SLC7A13: variants seen among roughly 807,000 people sequenced by gnomAD.
SLC7A13 encodes solute carrier family 7 member 13.
In SLC7A13, 31 loss-of-function variants were observed where a neutral mutation model predicts 32.0. That is an observed-to-expected ratio of 0.97 (90% CI 0.73 to 1.31). The LOEUF (loss-of-function observed/expected upper bound fraction) is 1.31, where lower values mean the gene tolerates loss of function less well. SLC7A13 is among the 50% of genes most tolerant of loss of function. SLC7A13 has a pLI of 0.00. For missense variants in SLC7A13, 633 were observed against 546.9 expected (o/e 1.16, Z -1.57); for synonymous variants, 232 against 206.9 (o/e 1.12, Z -1.04).
chr8:86,219,926 A>G (rs1178963382), intron 2 of SLC7A13, among the ~76,000 whole-genome samples: 2 of 152,168 alleles, frequency 1.3e-5, no homozygotes, highest in Non-Finnish European at 2.9e-5. Flanking sequence ...AAAAGTATAT[A>G]CATTTTAAAA....
chr8:86,227,950 T>TG (rs1820416291), intron 1 of SLC7A13, among the ~76,000 whole-genome samples: 2 of 151,670 alleles, frequency 1.3e-5, no homozygotes, highest in Non-Finnish European at 2.9e-5. Flanking sequence ...GGAGAGTGGG[T>TG]GGGGGGTAAG....
chr8:86,224,525 G>T (rs1820356275), intron 1 of SLC7A13, among the ~76,000 whole-genome samples: 1 of 152,134 alleles, frequency 6.6e-6, no homozygotes, highest in African/African-American at 2.4e-5. Flanking sequence ...GCAAAAAAAG[G>T]CCAAAAAAGT....
Position 86,214,340 on chromosome 8 carries a change from G to T in SLC7A13, c.*73C>A. The T allele has an allele frequency of 1.2e-6, 1 of 842,016 alleles. No individual in the cohort carries two copies. Among genetic ancestry groups the T allele is most frequent in the Non-Finnish European group, 1.8e-6 (1 of 542,294 alleles). 52.2% of individuals were successfully genotyped at this position (842,016 alleles called of 1,614,324 possible). ...TTTCACCATGAATGTTCTATCATATGTTTAACCTTGATTTGGAATCTGATA... is the reference window on the plus strand; with the variant it reads ...TTTCACCATGAATGTTCTATCATATTTTTAACCTTGATTTGGAATCTGATA... On this transcript the variant is annotated 3_prime_UTR_variant, in exon 4 of 4. Transcript: ENST00000297524.
At chr8:86,217,100 C>A (rs907098212) in intron 3 of SLC7A13, among the ~76,000 whole-genome samples, 1 of 152,158 alleles carries the variant, frequency 6.6e-6, no homozygotes, top group African/African-American at 2.4e-5. Context: ...TCACTTGTGA[C>A]CTCACCTTGC....
chr8:86,217,301 C>CT (rs1362602890), intron 3 of SLC7A13, among the ~76,000 whole-genome samples, 169 bp downstream of exon 3: 1 of 151,960 alleles, frequency 6.6e-6, no homozygotes. Context: ...ATTGAATAAC[C>CT]TAGCCAATAA....
Position 86,214,591 on chromosome 8 carries a change from A to G in SLC7A13, c.1235T>C (p.Ile412Thr), listed in dbSNP as rs1820146604. 1 of 1,613,824 alleles carries G rather than the reference A, an allele frequency of 6.2e-7. No homozygotes were observed. Among genetic ancestry groups the G allele is most frequent in the African/African-American group, 1.3e-5 (1 of 75,060 alleles). The stretch of plus-strand genomic sequence containing the variant: ...CACATTTGGAGACTTTACCAATGGT[A>G]TCACAACCAAGCCCACGTCGATGAC... ...TIVIDVGLVV[I>T]PLVKSPNVHY... The change falls in exon 4 of 4, where the codon ATA (isoleucine) becomes ACA (threonine). Residue 412 changes from isoleucine (I) to threonine (T), a missense_variant. By Grantham distance (89) the Ile-to-Thr change is moderately conservative. Transcript: ENST00000297524.
chr8:86,215,739 G>T (rs955294399), intron 3 of SLC7A13: 5 of 404,708 alleles, frequency 1.2e-5, no homozygotes, highest in Non-Finnish European at 2.4e-5. Flanking sequence ...CTTATAAAGC[G>T]TCCCAGAAAA....
chr8:86,229,534 A>G (rs1820445227), intron 1 of SLC7A13, 59 bp downstream of exon 1: 5 of 1,361,560 alleles, frequency 3.7e-6, no homozygotes, highest in Non-Finnish European at 5.1e-6. Context: ...AATGATATGC[A>G]TTTCATATTG....
chr8:86,229,315 C>T (rs1363734367), intron 1 of SLC7A13, among the ~76,000 whole-genome samples: 1 of 152,102 alleles, frequency 6.6e-6, no homozygotes, highest in East Asian at 1.9e-4. Context: ...CATCCATTAA[C>T]AGAAAGGAAA....
At chr8:86,214,764 G>T in intron 3 of SLC7A13, 118 bp from the exon 4 acceptor site, 3 of 733,380 alleles carry the variant, frequency 4.1e-6, no homozygotes, top group Non-Finnish European at 6.5e-6. Flanking sequence ...GGCTAAATTA[G>T]CTGTAAAGTT....
At chr8:86,221,622 C>T (rs1033805130) in intron 2 of SLC7A13, among the ~76,000 whole-genome samples, 3 of 151,900 alleles carry the variant, frequency 2.0e-5, no homozygotes, top group African/African-American at 7.3e-5. Context: ...CCACTCCCCC[C>T]ACCCCACCAC....
chr8:86,223,041 T>A lies in SLC7A13; in HGVS notation c.748A>T (p.Thr250Ser). The change falls in exon 2 of 4, where the codon ACT (threonine) becomes TCT (serine). Residue 250 changes from threonine to serine, a missense_variant. Transcript: ENST00000297524. Reference protein sequence around the residue: ...KCIFTALPLVTVVYLLVNISY... With the variant: ...KCIFTALPLVSVVYLLVNISY... ...ATGTTAACCAGTAAATAAACTACAGTCACCAGAGGTAACGCAGTAAATATG... is the reference window on the plus strand; with the variant it reads ...ATGTTAACCAGTAAATAAACTACAGACACCAGAGGTAACGCAGTAAATATG... The A allele has an allele frequency of 6.2e-7, 1 of 1,608,506 alleles. No homozygotes were observed. Among genetic ancestry groups the A allele is most frequent in the Non-Finnish European group, 8.5e-7 (1 of 1,177,372 alleles).
Position 86,230,205 on chromosome 8 carries a change from T to C in SLC7A13, c.73A>G (p.Asn25Asp), listed in dbSNP as rs754475807. The C allele has an allele frequency of 6.2e-7, 1 of 1,613,736 alleles. No individual in the cohort carries two copies. Among genetic ancestry groups the C allele is most frequent in the East Asian group, 2.2e-5 (1 of 44,882 alleles). Residue 25 changes from asparagine (N) to aspartate (D), a missense_variant, in exon 1 of 4, where the codon AAT (asparagine) becomes GAT (aspartate). Coordinates refer to ENST00000297524, the MANE Select transcript of SLC7A13 (RefSeq NM_138817.3). ...YWWGTSFLLI[N>D]IIGAGIFVSP... The stretch of plus-strand genomic sequence containing the variant: ...ACAAAAATTCCTGCACCAATGATAT[T>C]AATAAGCAAAAAACTTGTGCCCCAC...
At position 86,230,147 on chromosome 8, in the gene SLC7A13, A is replaced by G. The variant is rs1206715948; in HGVS notation, c.131T>C (p.Met44Thr). 2.5e-6 allele frequency: 4 copies of G among 1,614,088 alleles called. No individual in the cohort carries two copies. Among genetic ancestry groups the G allele is most frequent in the Non-Finnish European group, 3.4e-6 (4 of 1,180,040 alleles). ...AACGCACAGGGAGACTCCCACGTTC[A>G]TGCAAGAGTATGCCAACACACCTTT... ...SPKGVLAYSC[M>T]NVGVSLCVWA... The change falls in exon 1 of 4, where the codon ATG (methionine) becomes ACG (threonine). Residue 44 changes from methionine to threonine, a missense_variant. Coordinates refer to ENST00000297524, the MANE Select transcript of SLC7A13 (RefSeq NM_138817.3).
In SLC7A13 at chr8:86,230,374, A is replaced by G; in HGVS notation, c.-97T>C. 1 of 1,146,602 alleles carries G rather than the reference A, an allele frequency of 8.7e-7. No individual in the cohort carries two copies. The highest frequency in any genetic ancestry group is 1.2e-6 in the Non-Finnish European group (1 of 835,258). 71.0% of individuals were successfully genotyped at this position (1,146,602 alleles called of 1,614,324 possible). A position where few individuals can be genotyped will look rare whatever the true frequency, so the allele number is the denominator to read the frequency against. On this transcript the variant is annotated 5_prime_UTR_variant, in exon 1 of 4. Transcript: ENST00000297524. ...GATGTTGATGGATTCCTGAAATAAA[A>G]TAATTCTGTCCTTCCTGTTCCATTT... is the stretch of plus-strand genomic sequence containing the variant.
chr8:86,221,112 A>G (rs1820288938), intron 2 of SLC7A13, among the ~76,000 whole-genome samples: 2 of 152,130 alleles, frequency 1.3e-5, no homozygotes, highest in Admixed American at 1.3e-4. Flanking sequence ...ATCACATACA[A>G]TATCATTCCC....
At chr8:86,229,548 G>A in intron 1 of SLC7A13, 45 bp downstream of exon 1, 1 of 1,446,302 alleles carries the variant, frequency 6.9e-7, no homozygotes, top group Non-Finnish European at 9.5e-7. Flanking sequence ...CATATTGTAT[G>A]CAATAAGTCA....
intron 2 of SLC7A13, among the ~76,000 whole-genome samples, chr8:86,218,564 G>A (rs1389615009): frequency 1.3e-5 from 2 of 151,692 alleles, no homozygotes; most frequent in Non-Finnish European, 2.9e-5. Flanking sequence ...ATCCTATAAT[G>A]TACAGGACAA....
At chr8:86,215,643 G>A (rs887825219) in intron 3 of SLC7A13, 1 of 438,120 alleles carries the variant, frequency 2.3e-6, no homozygotes. Flanking sequence ...CCAAGATCAT[G>A]CCACTGCACT....
Sources: allele counts gnomAD v4.1 joint callset (sites outside exome capture counted in the v4.1 genomes callset), GRCh38; gene constraint gnomAD v4.1.1; transcripts MANE v1.5; gene names NCBI Gene and HGNC (gene_info 2026-07-23, HGNC 2026-07-21).